AMZ1: variants seen among roughly 807,000 people sequenced by gnomAD.
The protein encoded by AMZ1 is archaelysin family metallopeptidase 1, also known as archaemetzincin-1.
A neutral mutation model predicts 29.9 loss-of-function variants in AMZ1; 39 were observed. That is an observed-to-expected ratio of 1.30 (90% CI 1.01 to 1.70). The LOEUF (loss-of-function observed/expected upper bound fraction) is 1.70. AMZ1 is among the 40% of genes most tolerant of loss of function. AMZ1 has a pLI of 0.00. For missense variants in AMZ1, 1,041 were observed against 680.6 expected, an observed-to-expected ratio of 1.53 and a Z score of -5.89; for synonymous variants, 458 against 304.0, an observed-to-expected ratio of 1.51 and a Z score of -5.27.
Position 2,700,313 on chromosome 7 carries a change from G to T in AMZ1, c.-139G>T. ...CTGGGCCTTAAGGGCCCTTGGACCA[G>T]TGTCTGTCTGCAGGGAGCCCCCGGT... On this transcript the variant is annotated 5_prime_UTR_variant, in exon 2 of 7. Transcript: ENST00000683327. The T allele has an allele frequency of 1.0e-6, 1 of 986,312 alleles. No individual in the cohort carries two copies. Among genetic ancestry groups the T allele is most frequent in the Non-Finnish European group, 1.5e-6 (1 of 684,446 alleles). The allele number at this position is 986,312 out of a possible 1,614,324, so 61.1% of individuals were successfully genotyped here. A position where few individuals can be genotyped will look rare whatever the true frequency, so the allele number is the denominator to read the frequency against.
intron 3 of AMZ1, 24 bp downstream of exon 3, chr7:2,702,913 C>G (rs1261699078): frequency 1.3e-6 from 2 of 1,570,958 alleles, no homozygotes; most frequent in South Asian, 1.2e-5. Flanking sequence ...GCAGCCGCCG[C>G]TCAGGCCAAG....
intron 6 of AMZ1, among the ~76,000 whole-genome samples, chr7:2,711,372 T>G (rs1327510679): frequency 6.6e-6 from 1 of 152,206 alleles, no homozygotes; most frequent in African/African-American, 2.4e-5. Context: ...CTTGTTGTGG[T>G]CTCTGCCACT....
rs1467080054 is a variant in AMZ1 at position 2,702,840 on chromosome 7, C to A, written c.423C>A (p.Arg141=). 15 of 1,579,836 alleles carry A rather than the reference C, an allele frequency of 9.5e-6. No individual in the cohort carries two copies. The highest frequency in any genetic ancestry group is 1.3e-5 in the Non-Finnish European group (15 of 1,168,704). The change falls in exon 3 of 7, where the codon CGC becomes CGA. Residue 141 remains arginine (R), a synonymous_variant. Transcript: ENST00000683327. ...CLPSVAAASI[R]CSSRPSRDSD... ...CGTCGGTGGCAGCCGCGTCCATCCG[C>A]TGCTCCTCGCGGCCCAGCCGGGACT... is the stretch of plus-strand genomic sequence containing the variant.
intron 1 of AMZ1, among the ~76,000 whole-genome samples, chr7:2,692,434 C>G (rs559722225): frequency 1.3e-5 from 2 of 152,066 alleles, no homozygotes; most frequent in Admixed American, 1.3e-4. Context: ...CCCAGCTATT[C>G]GGGAGGCTGA....
At chr7:2,752,388 G>GT (rs1791084687) in intron 4 of AMZ1, among the ~76,000 whole-genome samples, 1 of 152,160 alleles carries the variant, frequency 6.6e-6, no homozygotes, top group Admixed American at 6.5e-5. Flanking sequence ...TGTAAGGCAA[G>GT]GATGCCCACT....
chr7:2,761,169 C>T (rs1388585804), upstream of AMZ1, among the ~76,000 whole-genome samples: 1 of 152,204 alleles, frequency 6.6e-6, no homozygotes, highest in Non-Finnish European at 1.5e-5. Flanking sequence ...GCCGCCTCAC[C>T]GAGCCACCGT....
intron 3 of AMZ1, among the ~76,000 whole-genome samples, chr7:2,707,365 T>C (rs1393670802): frequency 6.6e-6 from 1 of 151,808 alleles, no homozygotes; most frequent in Non-Finnish European, 1.5e-5. Context: ...GGAAAACACT[T>C]CTCCGGTGTG....
chr7:2,683,776 A>C (rs947414569), upstream of AMZ1, among the ~76,000 whole-genome samples: 1 of 151,956 alleles, frequency 6.6e-6, no homozygotes, highest in Non-Finnish European at 1.5e-5. Context: ...GATGCTGCCC[A>C]GGCTGGTCTC....
intron 6 of AMZ1, among the ~76,000 whole-genome samples, chr7:2,710,302 A>G (rs1788689553): frequency 6.6e-6 from 1 of 152,210 alleles, no homozygotes; most frequent in African/African-American, 2.4e-5. Context: ...TGCCGAGCAA[A>G]GGGCTCGTCC....
In AMZ1 at chr7:2,712,734, G is replaced by A; in HGVS notation, c.1353G>A (p.Arg451=). ...TCACGGGCCAGCTCCCGGCCACCAGGCAGGACCCACCCAGCAGCAGGGACA... is the reference window on the plus strand; with the variant it reads ...TCACGGGCCAGCTCCCGGCCACCAGACAGGACCCACCCAGCAGCAGGGACA... ...EMFTGQLPAT[R]QDPPSSRDSV... is the part of the protein sequence containing the mutation. The change falls in exon 7 of 7, where the codon AGG becomes AGA. Residue 451 remains arginine (R), a synonymous_variant. Coordinates refer to ENST00000683327, the MANE Select transcript of AMZ1 (RefSeq NM_001384743.1). 6.2e-7 allele frequency: 1 copy of A among 1,607,176 alleles called. No individual in the cohort carries two copies. Among genetic ancestry groups the A allele is most frequent in the Non-Finnish European group, 8.5e-7 (1 of 1,176,358 alleles).
In AMZ1 at chr7:2,709,207, T is replaced by A; in HGVS notation, c.734T>A (p.Leu245Gln). ...EAPLQDRGWALCFSALGMVQC... is the reference protein window; with the variant it reads ...EAPLQDRGWAQCFSALGMVQC... Reference sequence around the variant, plus strand: ...CCCCTGCAGGACAGGGGCTGGGCCCTGTGCTTCAGTGCCCTGGGGATGGTT... The same window carrying A: ...CCCCTGCAGGACAGGGGCTGGGCCCAGTGCTTCAGTGCCCTGGGGATGGTT... The change falls in exon 5 of 7, where the codon CTG (leucine) becomes CAG (glutamine). Residue 245 changes from leucine (L) to glutamine (Q), a missense_variant. Physicochemically the swap from Leu to Gln is moderately radical, Grantham distance 113. Transcript: ENST00000683327. The A allele has an allele frequency of 6.6e-7, 1 of 1,513,540 alleles. No individual in the cohort carries two copies. Among genetic ancestry groups the A allele is most frequent in the Non-Finnish European group, 8.8e-7 (1 of 1,132,534 alleles). The allele number at this position is 1,513,540 out of a possible 1,614,324, so 93.8% of individuals were successfully genotyped here.
intron 4 of AMZ1, among the ~76,000 whole-genome samples, chr7:2,732,494 T>C (rs1020110964): frequency 3.3e-5 from 5 of 152,120 alleles, no homozygotes; most frequent in Admixed American, 2.6e-4. Flanking sequence ...TACAATGAGT[T>C]ACGATCGTGC....
chr7:2,706,107 G>T (rs73047325), intron 3 of AMZ1, among the ~76,000 whole-genome samples: 33,638 of 152,248 alleles, frequency 0.22, 4,533 homozygotes, highest in Middle Eastern at 0.47. Flanking sequence ...ACATGCACTC[G>T]GGAAGGTTCA....
rs2115174676 is a variant in AMZ1 at position 2,710,358 on chromosome 7, T to C, written c.948+542T>C. Among the ~76,000 whole-genome samples, 2 of 152,328 alleles carry C rather than the reference T, an allele frequency of 1.3e-5. 1 individual carries two copies. The highest frequency in any genetic ancestry group is 3.9e-4 in the East Asian group (2 of 5,180). The stretch of plus-strand genomic sequence containing the variant: ...GCAAGCTCAAAAGCTTTACTCTGAG[T>C]TCTGAGTGCAAAGGCAGGTGGTGGT... On this transcript the variant is annotated intron_variant, in intron 6 of 6. Transcript: ENST00000683327.
chr7:2,721,364 T>C (rs1387441034), downstream of AMZ1, among the ~76,000 whole-genome samples: 5 of 152,216 alleles, frequency 3.3e-5, no homozygotes, highest in African/African-American at 7.2e-5. Flanking sequence ...GAACGCACTC[T>C]GGAAGCCCGT....
intron 4 of AMZ1, chr7:2,728,790 A>T (rs564682310): frequency 6.6e-6 from 1 of 152,480 alleles, no homozygotes; most frequent in African/African-American, 2.4e-5. Flanking sequence ...ACAATGTGTT[A>T]CAGAATTTGG....
In AMZ1 at chr7:2,716,715, C is replaced by A. The variant is rs1248433239; in HGVS notation, c.*3837C>A. On this transcript the variant is annotated 3_prime_UTR_variant, in exon 7 of 7. Coordinates refer to ENST00000683327, the MANE Select transcript of AMZ1 (RefSeq NM_001384743.1). ...GAGGGACCGGCTGCCCTGCCCAAGG[C>A]CCACCTGGACAGGCAAGTCTTCCCT... is the stretch of plus-strand genomic sequence containing the variant. Among the ~76,000 whole-genome samples, 6 of 152,222 alleles carry A rather than the reference C, an allele frequency of 3.9e-5. No individual in the cohort carries two copies. The highest frequency in any genetic ancestry group is 5.9e-5 in the Non-Finnish European group (4 of 68,028).
intron 1 of AMZ1, among the ~76,000 whole-genome samples, chr7:2,691,730 CA>C (rs55752807): frequency 0.031 from 2,655 of 84,594 alleles, 41 homozygotes; most frequent in Middle Eastern, 0.058. Flanking sequence ...GGCTCCGTCT[CA>C]AAAAAAAAAA....
intron 4 of AMZ1, among the ~76,000 whole-genome samples, chr7:2,733,809 A>G (rs1459439683): frequency 6.6e-6 from 1 of 152,208 alleles, no homozygotes; most frequent in African/African-American, 2.4e-5. Flanking sequence ...CTTTCCAGAC[A>G]TGAAGGCTGG....
Sources: gnomAD v4.1 joint callset for allele counts (sites outside exome capture counted in the v4.1 genomes callset) on GRCh38, gnomAD v4.1.1 for gene constraint, MANE v1.5 for transcripts, NCBI Gene and HGNC (gene_info 2026-07-23, HGNC 2026-07-21) for gene names.